Variants in GALR3 observed in about 807,000 individuals in gnomAD.
GALR3 encodes the protein galanin receptor 3, also known as galanin receptor type 3.
GALR3 carries 5 observed loss-of-function variants against 6.9 expected under a neutral mutation model. The observed-to-expected ratio is 0.72, with a 90% CI of 0.38 to 1.52. The LOEUF is 1.52. Among genes scored for constraint, GALR3 ranks in the 40% most tolerant of loss-of-function variants. The pLI, the probability that GALR3 is intolerant of heterozygous loss-of-function variation, is 0.03. For missense variants in GALR3, 570 were observed against 545.6 expected (o/e 1.04, Z -0.44); for synonymous variants, 308 against 263.6 (o/e 1.17, Z -1.63).
In GALR3 at chr22:37,824,703, T is replaced by C; in HGVS notation, c.360-20T>C. 8.4e-7 allele frequency: 1 copy of C among 1,194,994 alleles called. No individual in the cohort carries two copies. Among genetic ancestry groups the C allele is most frequent in the East Asian group, 3.5e-5 (1 of 28,258 alleles). The allele number at this position is 1,194,994 out of a possible 1,614,324, so 74.0% of individuals were successfully genotyped here. On this transcript the variant is annotated intron_variant, in intron 1 of 1. Transcript: ENST00000249041. Reference sequence around the variant, plus strand: ...GCGGGAGGGCACCTGCCCGCCCCGCTGACCAGGCGCCCTCCGCAGGTACCT... The same window carrying C: ...GCGGGAGGGCACCTGCCCGCCCCGCCGACCAGGCGCCCTCCGCAGGTACCT...
chr22:37,825,480 C>T lies in GALR3; in HGVS notation c.*10C>T, dbSNP rs1404277478. The T allele has an allele frequency of 2.3e-6, 3 of 1,314,638 alleles. No individual in the cohort carries two copies. Among genetic ancestry groups the T allele is most frequent in the Non-Finnish European group, 1.9e-6 (2 of 1,029,304 alleles). 81.4% of individuals were successfully genotyped at this position (1,314,638 alleles called of 1,614,324 possible). A position where few individuals can be genotyped will look rare whatever the true frequency, so the allele number is the denominator to read the frequency against. On this transcript the variant is annotated 3_prime_UTR_variant, in exon 2 of 2. Transcript: ENST00000249041. Reference sequence around the variant, plus strand: ...CCGAGGACCGGAATAAACCCTGCCGCCTGGACTCCGCCTGTGTCCGTCTGT... The same window carrying T: ...CCGAGGACCGGAATAAACCCTGCCGTCTGGACTCCGCCTGTGTCCGTCTGT...
At position 37,824,831 on chromosome 22, in the gene GALR3, C is replaced by T. The variant is rs767200183; in HGVS notation, c.468C>T (p.Pro156=). ...TGCTGGCGGCGCTCTTCTCGGCGCC[C>T]TACCTCAGCTACTACGGCACCGTGC... ...VWLLAALFSA[P]YLSYYGTVRY... is the part of the protein sequence containing the mutation. Residue 156 remains proline (P), a synonymous_variant, in exon 2 of 2, where the codon CCC becomes CCT. Transcript: ENST00000249041. 1.4e-6 allele frequency: 2 copies of T among 1,416,864 alleles called. No homozygotes were observed. Among genetic ancestry groups the T allele is most frequent in the Non-Finnish European group, 1.8e-6 (2 of 1,081,222 alleles). 87.8% of individuals were successfully genotyped at this position (1,416,864 alleles called of 1,614,324 possible). A position where few individuals can be genotyped will look rare whatever the true frequency, so the allele number is the denominator to read the frequency against.
In GALR3 at chr22:37,824,757, GCCC is replaced by G. The variant is rs1447453567; in HGVS notation, c.395_397del (p.Ala132_Leu133delinsVal). On this transcript the variant is annotated inframe_deletion, in exon 2 of 2. Transcript: ENST00000249041. ...CGTGCGGCACCCGCTGCGCTCGCGC[GCCC>G]TGCGCACGCCGCGTAACGCCCGCGC... 7.9e-7 allele frequency: 1 copy of G among 1,260,490 alleles called. No homozygotes were observed. The highest frequency in any genetic ancestry group is 1.6e-5 in the African/African-American group (1 of 63,764). The allele number at this position is 1,260,490 out of a possible 1,614,324, so 78.1% of individuals were successfully genotyped here.
Position 37,824,935 on chromosome 22 carries a change from C to T in GALR3, c.572C>T (p.Ala191Val). 7.5e-7 allele frequency: 1 copy of T among 1,326,718 alleles called. No homozygotes were observed. Among genetic ancestry groups the T allele is most frequent in the Non-Finnish European group, 9.7e-7 (1 of 1,033,024 alleles). 82.2% of individuals were successfully genotyped at this position (1,326,718 alleles called of 1,614,324 possible). The change falls in exon 2 of 2, where the codon GCC (alanine) becomes GTC (valine). Residue 191 changes from alanine to valine, a missense_variant. Transcript: ENST00000249041. ...GCCCTGGACGTGGCCACCTTCGCTG[C>T]CGGCTACCTGCTGCCCGTGGCTGTG... is the stretch of plus-strand genomic sequence containing the variant. ...RRALDVATFA[A>V]GYLLPVAVVS... is the part of the protein sequence containing the mutation.
chr22:37,824,900 G>A lies in GALR3; in HGVS notation c.537G>A (p.Ala179=), dbSNP rs1265842434. 5 of 1,365,058 alleles carry A rather than the reference G, an allele frequency of 3.7e-6. No homozygotes were observed. The highest frequency in any genetic ancestry group is 3.0e-5 in the African/African-American group (2 of 66,804). The allele number at this position is 1,365,058 out of a possible 1,614,324, so 84.6% of individuals were successfully genotyped here. Reference sequence around the variant, plus strand: ...TCTGCGTGCCCGCCTGGGAGGACGCGCGCCGCCGCGCCCTGGACGTGGCCA... The same window carrying A: ...TCTGCGTGCCCGCCTGGGAGGACGCACGCCGCCGCGCCCTGGACGTGGCCA... ...LELCVPAWED[A]RRRALDVATF... The change falls in exon 2 of 2, where the codon GCG becomes GCA. Residue 179 remains alanine (A), a synonymous_variant. Transcript: ENST00000249041.
rs1354735204 is a variant in GALR3 at position 37,825,287 on chromosome 22, C to T, written c.924C>T (p.Cys308=). 3.1e-6 allele frequency: 4 copies of T among 1,276,228 alleles called. No individual in the cohort carries two copies. The highest frequency in any genetic ancestry group is 2.5e-5 in the South Asian group (1 of 39,538). The allele number at this position is 1,276,228 out of a possible 1,614,324, so 79.1% of individuals were successfully genotyped here. A position where few individuals can be genotyped will look rare whatever the true frequency, so the allele number is the denominator to read the frequency against. The stretch of plus-strand genomic sequence containing the variant: ...CGCGCTTCCGCCGCCTGTGGCCGTG[C>T]GGCCGCCGACGCCGCCACCGTGCCC... The part of the protein sequence containing the change: ...FRARFRRLWP[C]GRRRRHRARR... The change falls in exon 2 of 2, where the codon TGC becomes TGT. Residue 308 remains cysteine (C), a synonymous_variant. Transcript: ENST00000249041.
chr22:37,824,788 C>G lies in GALR3; in HGVS notation c.425C>G (p.Ala142Gly). 7.5e-7 allele frequency: 1 copy of G among 1,328,156 alleles called. No individual in the cohort carries two copies. Among genetic ancestry groups the G allele is most frequent in the South Asian group, 2.0e-5 (1 of 50,680 alleles). The allele number at this position is 1,328,156 out of a possible 1,614,324, so 82.3% of individuals were successfully genotyped here. Residue 142 changes from alanine to glycine, a missense_variant, in exon 2 of 2, where the codon GCA becomes GGA. Ala to Gly is a moderately conservative substitution (Grantham distance 60). Transcript: ENST00000249041. ...CGCACGCCGCGTAACGCCCGCGCCG[C>G]AGTGGGGCTGGTGTGGCTGCTGGCG... is the stretch of plus-strand genomic sequence containing the variant. Reference protein sequence around the residue: ...ALRTPRNARAAVGLVWLLAAL... With the variant: ...ALRTPRNARAGVGLVWLLAAL...
rs777096688 is a variant in GALR3, at chr22:37,825,266, C to T, written c.903C>T (p.Arg301=). Residue 301 remains arginine, a synonymous_variant, in exon 2 of 2, where the codon CGC becomes CGT. Transcript: ENST00000249041. ...TCGCCTCGCGCCACTTCCGCGCGCG[C>T]TTCCGCCGCCTGTGGCCGTGCGGCC... ...YALASRHFRA[R]FRRLWPCGRR... 4.3e-6 allele frequency: 6 copies of T among 1,396,706 alleles called. No individual in the cohort carries two copies. In the South Asian group the frequency reaches 6.1e-5, roughly 14 times the overall value. The allele number at this position is 1,396,706 out of a possible 1,614,324, so 86.5% of individuals were successfully genotyped here. A position where few individuals can be genotyped will look rare whatever the true frequency, so the allele number is the denominator to read the frequency against.
rs780190845 is a variant in GALR3 at position 37,825,119 on chromosome 22, C to G, written c.756C>G (p.His252Gln). The G allele has an allele frequency of 7.2e-4, 1,026 of 1,424,216 alleles. 1 individual carries two copies. The highest frequency in any genetic ancestry group is 9.2e-4 in the Non-Finnish European group (997 of 1,078,146). 88.2% of individuals were successfully genotyped at this position (1,424,216 alleles called of 1,614,324 possible). The change falls in exon 2 of 2, where the codon CAC becomes CAG. Residue 252 changes from histidine to glutamine, a missense_variant. His to Gln is a conservative substitution (Grantham distance 24). Transcript: ENST00000249041. ...ALYALCWGPH[H>Q]ALILCFWYGR... ...ACGCGCTCTGCTGGGGTCCGCACCA[C>G]GCGCTCATCCTGTGCTTCTGGTACG...
chr22:37,824,903 C>T lies in GALR3; in HGVS notation c.540C>T (p.Arg180=). The change falls in exon 2 of 2, where the codon CGC becomes CGT. Residue 180 remains arginine, a synonymous_variant. Transcript: ENST00000249041. The part of the protein sequence containing the change: ...ELCVPAWEDA[R]RRALDVATFA... ...GCGTGCCCGCCTGGGAGGACGCGCG[C>T]CGCCGCGCCCTGGACGTGGCCACCT... The T allele has an allele frequency of 4.4e-6, 6 of 1,365,584 alleles. No homozygotes were observed. The highest frequency in any genetic ancestry group is 5.7e-6 in the Non-Finnish European group (6 of 1,054,736). The allele number at this position is 1,365,584 out of a possible 1,614,324, so 84.6% of individuals were successfully genotyped here.
chr22:37,824,897 C>T lies in GALR3; in HGVS notation c.534C>T (p.Asp178=). 1 of 1,365,416 alleles carries T rather than the reference C, an allele frequency of 7.3e-7. No individual in the cohort carries two copies. Among genetic ancestry groups the T allele is most frequent in the Non-Finnish European group, 9.5e-7 (1 of 1,055,144 alleles). The allele number at this position is 1,365,416 out of a possible 1,614,324, so 84.6% of individuals were successfully genotyped here. The change falls in exon 2 of 2, where the codon GAC becomes GAT. Residue 178 remains aspartate (D), a synonymous_variant. Coordinates refer to ENST00000249041, the MANE Select transcript of GALR3 (RefSeq NM_003614.2). ...ALELCVPAWE[D]ARRRALDVAT... is the part of the protein sequence containing the mutation. Reference sequence around the variant, plus strand: ...AGCTCTGCGTGCCCGCCTGGGAGGACGCGCGCCGCCGCGCCCTGGACGTGG... The same window carrying T: ...AGCTCTGCGTGCCCGCCTGGGAGGATGCGCGCCGCCGCGCCCTGGACGTGG...
chr22:37,823,552 C>T lies in GALR3; in HGVS notation c.146C>T (p.Ala49Val), dbSNP rs1302858871. ...GTGCTCCTGCAGCCTGGCCCGAGTG[C>T]CTGGCAGGAGCCTGGCAGCACCACG... The part of the protein sequence containing the change: ...LAVLLQPGPS[A>V]WQEPGSTTDL... Residue 49 changes from alanine to valine, a missense_variant, in exon 1 of 2, where the codon GCC (alanine) becomes GTC (valine). By Grantham distance (64) the Ala-to-Val change is moderately conservative. Coordinates refer to ENST00000249041, the MANE Select transcript of GALR3 (RefSeq NM_003614.2). The T allele has an allele frequency of 6.2e-7, 1 of 1,612,356 alleles. No homozygotes were observed. Among genetic ancestry groups the T allele is most frequent in the Non-Finnish European group, 8.5e-7 (1 of 1,179,140 alleles).
Position 37,823,730 on chromosome 22 carries a change from C to A in GALR3, c.324C>A (p.Ala108=). Residue 108 remains alanine (A), a synonymous_variant, in exon 1 of 2, where the codon GCC becomes GCA. Coordinates refer to ENST00000249041, the MANE Select transcript of GALR3 (RefSeq NM_003614.2). Reference sequence around the variant, plus strand: ...TGCTCATCTACCTCACCATGTACGCCAGCAGCTTTACGCTGGCTGCTGTCT... The same window carrying A: ...TGCTCATCTACCTCACCATGTACGCAAGCAGCTTTACGCTGGCTGCTGTCT... ...VHLLIYLTMY[A]SSFTLAAVSV... 1 of 1,612,320 alleles carries A rather than the reference C, an allele frequency of 6.2e-7. No individual in the cohort carries two copies. Among genetic ancestry groups the A allele is most frequent in the South Asian group, 1.1e-5 (1 of 91,022 alleles).
chr22:37,824,802 TG>T lies in GALR3; in HGVS notation c.441del (p.Trp147CysfsTer54). ...CGCCCGCGCCGCAGTGGGGCTGGTGTGGCTGCTGGCGGCGCTCTTCTCGGCG... is the reference window on the plus strand; with the variant it reads ...CGCCCGCGCCGCAGTGGGGCTGGTGTGCTGCTGGCGGCGCTCTTCTCGGCG... Reference protein sequence around the residue: ...RNARAAVGLVWLLAALFSAPY... With the variant: ...RNARAAVGLVXLLAALFSAPY... On this transcript the variant is annotated frameshift_variant, in exon 2 of 2. Transcript: ENST00000249041. LOFTEE classifies it low-confidence loss of function (END_TRUNC). The T allele has an allele frequency of 7.3e-7, 1 of 1,373,056 alleles. No individual in the cohort carries two copies. The highest frequency in any genetic ancestry group is 9.4e-7 in the Non-Finnish European group (1 of 1,058,332). 85.1% of individuals were successfully genotyped at this position (1,373,056 alleles called of 1,614,324 possible).
chr22:37,825,444 G>A lies in GALR3; in HGVS notation c.1081G>A (p.Gly361Arg), dbSNP rs1922587480. 2.9e-6 allele frequency: 4 copies of A among 1,382,920 alleles called. No homozygotes were observed. The highest frequency in any genetic ancestry group is 3.8e-6 in the Non-Finnish European group (4 of 1,065,586). The allele number at this position is 1,382,920 out of a possible 1,614,324, so 85.7% of individuals were successfully genotyped here. A position where few individuals can be genotyped will look rare whatever the true frequency, so the allele number is the denominator to read the frequency against. Residue 361 changes from glycine to arginine, a missense_variant, in exon 2 of 2, where the codon GGA becomes AGA. Coordinates refer to ENST00000249041, the MANE Select transcript of GALR3 (RefSeq NM_003614.2). ...PEPREGPVHG[G>R]EAARGPE ...GCCCAGGGAGGGACCCGTCCACGGC[G>A]GAGAGGCTGCCCGAGGACCGGAATA...
intron 1 of GALR3, 35 bp downstream of exon 1, chr22:37,823,800 G>C: frequency 8.1e-7 from 1 of 1,240,516 alleles, no homozygotes; most frequent in Non-Finnish European, 1.2e-6. Context: ...GGGCAGGGCT[G>C]TGGGGGCGGG....
In GALR3 at chr22:37,823,524, G is replaced by A. The variant is rs756135709; in HGVS notation, c.118G>A (p.Ala40Thr). The change falls in exon 1 of 2, where the codon GCA becomes ACA. Residue 40 changes from alanine to threonine, a missense_variant. Transcript: ENST00000249041. ...LGTVGNGLVL[A>T]VLLQPGPSAW... ...CACAGTGGGCAATGGGCTGGTGCTG[G>A]CAGTGCTCCTGCAGCCTGGCCCGAG... 6.2e-7 allele frequency: 1 copy of A among 1,613,814 alleles called. No homozygotes were observed. The highest frequency in any genetic ancestry group is 1.1e-5 in the South Asian group (1 of 91,068).
Position 37,824,835 on chromosome 22 carries a change from C to A in GALR3, c.472C>A (p.Leu158Ile). ...GGCGGCGCTCTTCTCGGCGCCCTAC[C>A]TCAGCTACTACGGCACCGTGCGCTA... ...LLAALFSAPY[L>I]SYYGTVRYGA... is the part of the protein sequence containing the mutation. The change falls in exon 2 of 2, where the codon CTC (leucine) becomes ATC (isoleucine). Residue 158 changes from leucine to isoleucine, a missense_variant. By Grantham distance (5) the Leu-to-Ile change is conservative. Coordinates refer to ENST00000249041, the MANE Select transcript of GALR3 (RefSeq NM_003614.2). The A allele has an allele frequency of 7.0e-7, 1 of 1,422,426 alleles. No homozygotes were observed. Among genetic ancestry groups the A allele is most frequent in the Non-Finnish European group, 9.2e-7 (1 of 1,083,924 alleles). The allele number at this position is 1,422,426 out of a possible 1,614,324, so 88.1% of individuals were successfully genotyped here.
rs760836391 is a variant in GALR3, at chr22:37,823,589, C to T, written c.183C>T (p.Ile61=). The change falls in exon 1 of 2, where the codon ATC becomes ATT. Residue 61 remains isoleucine, a synonymous_variant. Transcript: ENST00000249041. The part of the protein sequence containing the change: ...QEPGSTTDLF[I]LNLAVADLCF... Reference sequence around the variant, plus strand: ...CTGGCAGCACCACGGACCTGTTCATCCTCAACCTGGCGGTGGCTGACCTCT... The same window carrying T: ...CTGGCAGCACCACGGACCTGTTCATTCTCAACCTGGCGGTGGCTGACCTCT... 1.8e-5 allele frequency: 29 copies of T among 1,614,046 alleles called. No homozygotes were observed. The highest frequency in any genetic ancestry group is 1.7e-4 in the Admixed American group (10 of 60,004).
Sources: gnomAD v4.1 joint callset for allele counts on GRCh38, gnomAD v4.1.1 for gene constraint, MANE v1.5 for transcripts, NCBI Gene and HGNC (gene_info 2026-07-23, HGNC 2026-07-21) for gene names.